Variants in PEX7 observed in about 807,000 individuals in gnomAD.
The protein encoded by PEX7 is PTS2 receptor.
A neutral mutation model predicts 47.5 loss-of-function variants in PEX7; 34 were observed. The ratio of observed to expected loss-of-function variants is 0.72; its 90% confidence interval spans 0.54 to 0.95. The LOEUF (loss-of-function observed/expected upper bound fraction) is 0.95. Among genes scored for constraint, PEX7 ranks in the 40% least tolerant of loss-of-function variants. The probability of loss-of-function intolerance (pLI) is 0.00; values close to 1 mark genes in which losing one functional copy is unlikely to be tolerated. For synonymous variants in PEX7, 141 were observed against 148.8 expected, an observed-to-expected ratio of 0.95 and a Z score of 0.38; for missense variants, 394 against 400.3, an observed-to-expected ratio of 0.98 and a Z score of 0.13.
intron 5 of PEX7, among the ~76,000 whole-genome samples, chr6:136,854,338 C>T (rs1461668343): frequency 1.3e-5 from 2 of 152,040 alleles, no homozygotes; most frequent in Non-Finnish European, 2.9e-5. Flanking sequence ...AGGTGTGCGC[C>T]ATCACACCCA....
At chr6:136,830,240 T>C (rs1774269339) in intron 3 of PEX7, 2 of 543,812 alleles carry the variant, frequency 3.7e-6, no homozygotes, top group Admixed American at 3.4e-5. Flanking sequence ...CAGACCAGCA[T>C]TGAATAAATA....
chr6:136,909,934 A>T (rs1775906991), intron 9 of PEX7, among the ~76,000 whole-genome samples: 1 of 152,182 alleles, frequency 6.6e-6, no homozygotes, highest in South Asian at 2.1e-4. Context: ...CCAGTAGCGG[A>T]TGCTTAACAT....
At chr6:136,884,680 C>T (rs1043069862) in intron 8 of PEX7, among the ~76,000 whole-genome samples, 3 of 151,968 alleles carry the variant, frequency 2.0e-5, no homozygotes, top group African/African-American at 7.2e-5. Flanking sequence ...AGACCTTTAC[C>T]TCTGTAGTAG....
intron 5 of PEX7, among the ~76,000 whole-genome samples, chr6:136,847,353 A>T (rs1467790857): frequency 6.6e-6 from 1 of 151,436 alleles, no homozygotes; most frequent in Non-Finnish European, 1.5e-5. Context: ...GTTTAATTAG[A>T]TCCCATTTGT....
intron 5 of PEX7, among the ~76,000 whole-genome samples, chr6:136,856,676 G>A (rs1338535696): frequency 6.6e-6 from 1 of 152,184 alleles, no homozygotes; most frequent in Non-Finnish European, 1.5e-5. Flanking sequence ...GTTAGTCCCT[G>A]CAGTTGGGAA....
At chr6:136,897,945 T>A (rs559468485) in intron 8 of PEX7, among the ~76,000 whole-genome samples, 197 bp from the exon 9 acceptor site, 13 of 151,800 alleles carry the variant, frequency 8.6e-5, no homozygotes, top group South Asian at 6.2e-4. Flanking sequence ...GTTTTTTTTT[T>A]ATATATATAA....
intron 8 of PEX7, 121 bp from the exon 9 acceptor site, chr6:136,898,021 T>G: frequency 1.5e-6 from 1 of 684,842 alleles, no homozygotes; most frequent in Admixed American, 2.2e-5. Context: ...GGTTCTGTAT[T>G]TATGAATTGG....
intron 8 of PEX7, among the ~76,000 whole-genome samples, chr6:136,883,300 G>A (rs1775407971): frequency 1.3e-5 from 2 of 152,028 alleles, no homozygotes; most frequent in South Asian, 4.1e-4. Context: ...ATAGGCATAG[G>A]CACTTAAGGT....
chr6:136,865,894 C>T (rs1199594286), intron 5 of PEX7, among the ~76,000 whole-genome samples: 2 of 151,632 alleles, frequency 1.3e-5, no homozygotes, highest in Non-Finnish European at 2.9e-5. Flanking sequence ...ATCATCCTGG[C>T]CAACATGGCG....
At chr6:136,883,825 C>T (rs530466032) in intron 8 of PEX7, among the ~76,000 whole-genome samples, 6 of 152,116 alleles carry the variant, frequency 3.9e-5, no homozygotes, top group African/African-American at 1.2e-4. Context: ...TTCAAACAAG[C>T]CAAAAACCTG....
intron 5 of PEX7, among the ~76,000 whole-genome samples, chr6:136,854,337 C>G (rs1774820254): frequency 6.6e-6 from 1 of 152,076 alleles, no homozygotes; most frequent in Admixed American, 6.5e-5. Flanking sequence ...CAGGTGTGCG[C>G]CATCACACCC....
In PEX7 at chr6:136,888,570, G is replaced by A. The variant is rs74542507; in HGVS notation, c.804-9572G>A. Among the ~76,000 whole-genome samples, 577 of 152,182 alleles carry A rather than the reference G, an allele frequency of 3.8e-3. 13 individuals carry two copies. In the East Asian group the frequency reaches 0.043, roughly 11 times the overall value. On this transcript the variant is annotated intron_variant, in intron 8 of 9. Coordinates refer to ENST00000318471, the MANE Select transcript of PEX7 (RefSeq NM_000288.4). ...AAGAACGGGAATATTTGCATTCCCC[G>A]ATTTGTGTAATCCTTGCAAGGATAT...
intron 8 of PEX7, among the ~76,000 whole-genome samples, chr6:136,891,765 C>T (rs1255015052): frequency 1.3e-5 from 2 of 151,960 alleles, no homozygotes; most frequent in Admixed American, 1.3e-4. Context: ...CTCAGCCTCC[C>T]AAGTAGCTGG....
In PEX7 at chr6:136,822,626, T is replaced by A. The variant is rs1182038401; in HGVS notation, c.-40T>A. On this transcript the variant is annotated 5_prime_UTR_variant, in exon 1 of 10. Coordinates refer to ENST00000318471, the MANE Select transcript of PEX7 (RefSeq NM_000288.4). ...AGTGTGCCTCCGACTCGGAACGGCT[T>A]CCGCGGCCGGGGCAGCGAGGGCCGG... The A allele has an allele frequency of 4.0e-6, 6 of 1,514,746 alleles. No individual in the cohort carries two copies. The Admixed American group carries it at 9.9e-5, about 25-fold the overall frequency. The allele number at this position is 1,514,746 out of a possible 1,614,324, so 93.8% of individuals were successfully genotyped here.
At chr6:136,828,244 ATAAG>A (rs1042285329) in intron 3 of PEX7, among the ~76,000 whole-genome samples, 1 of 152,142 alleles carries the variant, frequency 6.6e-6, no homozygotes, top group Non-Finnish European at 1.5e-5. Flanking sequence ...GTACATTGAG[ATAAG>A]TAAGTAATGA....
At position 136,913,564 on chromosome 6, in the gene PEX7, G is replaced by A. The variant is rs41288965; in HGVS notation, c.*38G>A. Reference sequence around the variant, plus strand: ...TGGTCAGAAACAGAGGATGTTGGCTGAAGAACTGCCTAACAGCAAATAAAT... The same window carrying A: ...TGGTCAGAAACAGAGGATGTTGGCTAAAGAACTGCCTAACAGCAAATAAAT... On this transcript the variant is annotated 3_prime_UTR_variant, in exon 10 of 10. Transcript: ENST00000318471. The A allele has an allele frequency of 2.4e-3, 3,074 of 1,286,756 alleles. 4 individuals carry two copies. The highest frequency in any genetic ancestry group is 2.9e-3 in the Non-Finnish European group (2,560 of 882,118). The allele number at this position is 1,286,756 out of a possible 1,614,324, so 79.7% of individuals were successfully genotyped here.
At chr6:136,836,165 C>T (rs1774380824) in intron 3 of PEX7, among the ~76,000 whole-genome samples, 1 of 152,038 alleles carries the variant, frequency 6.6e-6, no homozygotes, top group African/African-American at 2.4e-5. Flanking sequence ...ATTAGTTTTG[C>T]TGCAAGCTAA....
At chr6:136,909,370 C>T (rs1683304545) in intron 9 of PEX7, among the ~76,000 whole-genome samples, 1 of 152,196 alleles carries the variant, frequency 6.6e-6, no homozygotes, top group East Asian at 1.9e-4. Flanking sequence ...CTTTTACCCA[C>T]ATCTCTGACC....
intron 5 of PEX7, among the ~76,000 whole-genome samples, chr6:136,848,469 T>G (rs1399679784): frequency 6.6e-6 from 1 of 152,186 alleles, no homozygotes; most frequent in African/African-American, 2.4e-5. Flanking sequence ...GTAAATATTA[T>G]CATATTGGCT....
Sources: gnomAD v4.1 joint callset for allele counts (sites outside exome capture counted in the v4.1 genomes callset) on GRCh38, gnomAD v4.1.1 for gene constraint, MANE v1.5 for transcripts, NCBI Gene and HGNC (gene_info 2026-07-23, HGNC 2026-07-21) for gene names.